TMEM182: variants seen among roughly 807,000 people sequenced by gnomAD.
TMEM182 encodes the protein transmembrane protein 182.
TMEM182 carries 20 observed loss-of-function variants against 26.8 expected under a neutral mutation model. That is an observed-to-expected ratio of 0.75 (90% confidence interval 0.53 to 1.09). The LOEUF (loss-of-function observed/expected upper bound fraction) is 1.09, where lower values mean the gene tolerates loss of function less well. Ranked by LOEUF, TMEM182 falls within the 50% of genes least tolerant of loss-of-function variation. The probability of loss-of-function intolerance (pLI) is 0.00; values close to 1 mark genes in which losing one functional copy is unlikely to be tolerated. For missense variants in TMEM182, 277 were observed against 275.5 expected, an observed-to-expected ratio of 1.01 and a Z score of -0.04; for synonymous variants, 109 against 102.2, an observed-to-expected ratio of 1.07 and a Z score of -0.40.
chr2:102,807,320 G>A (rs1395639247), intron 4 of TMEM182, among the ~76,000 whole-genome samples: 1 of 152,150 alleles, frequency 6.6e-6, no homozygotes, highest in Non-Finnish European at 1.5e-5. Flanking sequence ...ACAGCAGAAA[G>A]AATTAAGGCT....
intron 3 of TMEM182, among the ~76,000 whole-genome samples, chr2:102,772,122 G>C (rs903998881): frequency 1.3e-5 from 2 of 152,230 alleles, no homozygotes; most frequent in East Asian, 3.9e-4. Context: ...TTTCATGCAG[G>C]GTATTCAAAC....
intron 3 of TMEM182, among the ~76,000 whole-genome samples, chr2:102,785,303 C>T (rs1230525610): frequency 1.3e-5 from 2 of 152,168 alleles, no homozygotes; most frequent in Non-Finnish European, 2.9e-5. Context: ...CCACTCTCCC[C>T]TTTAAGAATC....
chr2:102,818,022 T>C (rs184572773), downstream of TMEM182, among the ~76,000 whole-genome samples: 22 of 152,300 alleles, frequency 1.4e-4, no homozygotes, highest in African/African-American at 4.6e-4. Flanking sequence ...GTCAGAGGTG[T>C]TAGGCAGATA....
chr2:102,737,162 C>T, intron 1 of TMEM182: 1 of 224,430 alleles, frequency 4.5e-6, no homozygotes. Context: ...TGACCAACTC[C>T]AGCTTGAAGA....
chr2:102,770,867 ACATTTGGCAGT>A lies in TMEM182; in HGVS notation c.331+6441_331+6451del, dbSNP rs149751615. Among the ~76,000 whole-genome samples, 103 of 152,330 alleles carry A rather than the reference ACATTTGGCAGT, an allele frequency of 6.8e-4. 1 individual carries two copies. In the East Asian group the frequency reaches 0.019, roughly 27 times the overall value. On this transcript the variant is annotated intron_variant, in intron 3 of 4. Coordinates refer to ENST00000412401, the MANE Select transcript of TMEM182 (RefSeq NM_144632.5). Reference sequence around the variant, plus strand: ...ATAAACTACAAACATGAATGTCCTTACATTTGGCAGTTTGAAACAGCACAGGAAGAATTAAG... The same window carrying A: ...ATAAACTACAAACATGAATGTCCTTATTGAAACAGCACAGGAAGAATTAAG...
chr2:102,778,458 G>C (rs1416964545), intron 3 of TMEM182, among the ~76,000 whole-genome samples: 1 of 151,890 alleles, frequency 6.6e-6, no homozygotes, highest in Non-Finnish European at 1.5e-5. Context: ...AATCTGGTCT[G>C]GGAAGCTGTG....
chr2:102,785,726 A>G (rs1681361351), intron 3 of TMEM182, among the ~76,000 whole-genome samples: 1 of 152,200 alleles, frequency 6.6e-6, no homozygotes, highest in Non-Finnish European at 1.5e-5. Context: ...CACATACCTA[A>G]GAGAAAGATT....
At chr2:102,820,096 C>A (rs1682888804), downstream of TMEM182, among the ~76,000 whole-genome samples, 1 of 152,164 alleles carries the variant, frequency 6.6e-6, no homozygotes, top group Admixed American at 6.5e-5. Flanking sequence ...TTCTTTCAAT[C>A]CCCTTGCAGA....
At chr2:102,753,980 T>C (rs768856610) in intron 1 of TMEM182, among the ~76,000 whole-genome samples, 1 of 152,172 alleles carries the variant, frequency 6.6e-6, no homozygotes, top group Non-Finnish European at 1.5e-5. Context: ...GTGTTTTATA[T>C]TGATGGGTAA....
At chr2:102,796,203 A>G (rs1014339937) in intron 3 of TMEM182, among the ~76,000 whole-genome samples, 1 of 152,248 alleles carries the variant, frequency 6.6e-6, no homozygotes, top group Non-Finnish European at 1.5e-5. Context: ...CCTTCAGGCC[A>G]AATCCATGAG....
chr2:102,775,029 C>T (rs1394012609), intron 3 of TMEM182: 2 of 152,164 alleles, frequency 1.3e-5, no homozygotes, highest in South Asian at 2.1e-4. Flanking sequence ...CTTGCTGACA[C>T]TTTGGTATGA....
intron 3 of TMEM182, among the ~76,000 whole-genome samples, chr2:102,780,429 C>A (rs1204246513): frequency 6.6e-6 from 1 of 152,078 alleles, no homozygotes; most frequent in African/African-American, 2.4e-5. Flanking sequence ...TGATACCAGT[C>A]TCGCTGGGCA....
At chr2:102,839,922 T>C (rs1232621585) in intron 3 of TMEM182, among the ~76,000 whole-genome samples, 1 of 152,190 alleles carries the variant, frequency 6.6e-6, no homozygotes, top group Non-Finnish European at 1.5e-5. Context: ...AAGGTTATAA[T>C]AGGCAAAAGA....
chr2:102,808,703 A>T (rs368249720), intron 4 of TMEM182, among the ~76,000 whole-genome samples: 1 of 152,212 alleles, frequency 6.6e-6, no homozygotes, highest in African/African-American at 2.4e-5. Flanking sequence ...GGATAAACAG[A>T]TAAACAAATT....
chr2:102,812,269 G>T (rs570141875), intron 4 of TMEM182, among the ~76,000 whole-genome samples: 1 of 151,952 alleles, frequency 6.6e-6, no homozygotes, highest in African/African-American at 2.4e-5. Flanking sequence ...TTGACCACAT[G>T]TCTCATGCAG....
In TMEM182 at chr2:102,791,864, T is replaced by C. The variant is rs1208704265; in HGVS notation, c.332-5999T>C. Among the ~76,000 whole-genome samples the C allele has an allele frequency of 2.0e-5, 3 of 152,148 alleles. 1 individual carries two copies. In the East Asian group the frequency reaches 5.8e-4, roughly 29 times the overall value. On this transcript the variant is annotated intron_variant, in intron 3 of 4. Transcript: ENST00000412401. ...CTTCAAAGACAAGGCTGTGTAGTTT[T>C]ACAAGCTCATATAAAGAACAAGAAA... is the stretch of plus-strand genomic sequence containing the variant.
chr2:102,779,618 A>C (rs182304884), intron 3 of TMEM182, among the ~76,000 whole-genome samples: 2 of 151,922 alleles, frequency 1.3e-5, no homozygotes, highest in African/African-American at 4.8e-5. Flanking sequence ...TAAAACACAT[A>C]TGTTAATGTT....
intron 4 of TMEM182, among the ~76,000 whole-genome samples, chr2:102,813,554 T>G (rs1460981239): frequency 6.6e-6 from 1 of 152,230 alleles, no homozygotes; most frequent in African/African-American, 2.4e-5. Context: ...TAGGACAAAT[T>G]TGAATCCATC....
chr2:102,797,699 A>G, intron 3 of TMEM182, 164 bp from the exon 4 acceptor site: 1 of 770,364 alleles, frequency 1.3e-6, no homozygotes, highest in Non-Finnish European at 2.0e-6. Context: ...AGGTCATCTG[A>G]TAAGATCTCC....
Sources: allele counts gnomAD v4.1 joint callset (sites outside exome capture counted in the v4.1 genomes callset), GRCh38; gene constraint gnomAD v4.1.1; transcripts MANE v1.5; gene names NCBI Gene and HGNC (gene_info 2026-07-23, HGNC 2026-07-21).